The following HNF1A variants were observed in gnomAD, a reference collection of about 807,000 sequenced individuals.
HNF1A encodes the protein HNF1 homeobox A.
Under a neutral mutation model 62.2 loss-of-function variants are expected in HNF1A, and 21 were observed. The ratio of observed to expected loss-of-function variants is 0.34; its 90% confidence interval spans 0.24 to 0.49. The LOEUF is 0.49. HNF1A is among the 20% of genes least tolerant of loss of function. The probability of loss-of-function intolerance (pLI) is 0.99; values close to 1 mark genes in which losing one functional copy is unlikely to be tolerated. For missense variants in HNF1A, 687 were observed against 832.3 expected (o/e 0.83, Z 2.15); for synonymous variants, 374 against 366.8 (o/e 1.02, Z -0.22).
chr12:120,997,633 T>C lies in HNF1A; in HGVS notation c.1469T>C (p.Met490Thr), dbSNP rs775893674. ...VQSHVTQSPF[M>T]ATMAQLQSPH... Reference sequence around the variant, plus strand: ...AGCCATGTGACCCAGAGCCCCTTCATGGCCACCATGGCTCAGCTGCAGAGC... The same window carrying C: ...AGCCATGTGACCCAGAGCCCCTTCACGGCCACCATGGCTCAGCTGCAGAGC... Residue 490 changes from methionine (M) to threonine (T), a missense_variant, in exon 7 of 10, where the codon ATG becomes ACG. Met to Thr is a moderately conservative substitution (Grantham distance 81). Transcript: ENST00000257555. 6.2e-7 allele frequency: 1 copy of C among 1,612,950 alleles called. No homozygotes were observed.
chr12:120,986,992 C>T (rs957377741), intron 1 of HNF1A, among the ~76,000 whole-genome samples: 5 of 152,226 alleles, frequency 3.3e-5, no homozygotes, highest in Admixed American at 6.5e-5. Flanking sequence ...ATGGCTCAGG[C>T]AGTCTGATCC....
chr12:120,983,742 C>T (rs1005180074), intron 1 of HNF1A, among the ~76,000 whole-genome samples: 2 of 152,056 alleles, frequency 1.3e-5, no homozygotes, highest in Admixed American at 6.6e-5. Flanking sequence ...GACAGGGTTT[C>T]ACTGTGTTGG....
rs1225711313 is a variant in HNF1A, at chr12:120,988,769, C to T, written c.327-64C>T. On this transcript the variant is annotated intron_variant, in intron 1 of 9. Coordinates refer to ENST00000257555, the MANE Select transcript of HNF1A (RefSeq NM_000545.8). ...TTGACAAGGTTCCAGCACCCAGGAC[C>T]GCAGCCCCACCTATGGGGAGAGACA... 5.0e-5 allele frequency: 75 copies of T among 1,500,680 alleles called. 1 individual carries two copies. Among genetic ancestry groups the T allele is most frequent in the South Asian group, 3.8e-4 (33 of 86,782 alleles). The allele number at this position is 1,500,680 out of a possible 1,614,324, so 93.0% of individuals were successfully genotyped here. A position where few individuals can be genotyped will look rare whatever the true frequency, so the allele number is the denominator to read the frequency against.
chr12:120,990,342 C>CGTGTTAGCCGGG (rs56106428), intron 2 of HNF1A, among the ~76,000 whole-genome samples: 1 of 152,064 alleles, frequency 6.6e-6, no homozygotes, highest in Admixed American at 6.6e-5. Context: ...GGGGTTTCAC[C>CGTGTTAGCCGGG]ATGGTCTCGA....
chr12:120,978,977 C>T lies in HNF1A; in HGVS notation c.209C>T (p.Ser70Phe). The T allele has an allele frequency of 1.9e-6, 3 of 1,608,088 alleles. No individual in the cohort carries two copies. Among genetic ancestry groups the T allele is most frequent in the Non-Finnish European group, 2.5e-6 (3 of 1,177,432 alleles). ...LPNGLGETRGSEDETDDDGED... is the reference protein window; with the variant it reads ...LPNGLGETRGFEDETDDDGED... The stretch of plus-strand genomic sequence containing the variant: ...AATGGGCTGGGGGAGACTCGGGGCT[C>T]CGAGGACGAGACGGACGACGATGGG... The change falls in exon 1 of 10, where the codon TCC becomes TTC. Residue 70 changes from serine (S) to phenylalanine (F), a missense_variant. Ser to Phe is a radical substitution (Grantham distance 155). Transcript: ENST00000257555.
At chr12:121,000,850 G>C (rs1877411439) in intron 9 of HNF1A, 1 of 615,240 alleles carries the variant, frequency 1.6e-6, no homozygotes, top group Non-Finnish European at 2.9e-6. Flanking sequence ...TTCACACTAA[G>C]ATGTACTCAG....
intron 1 of HNF1A, among the ~76,000 whole-genome samples, chr12:120,979,950 G>A (rs1267375819): frequency 6.6e-6 from 1 of 152,186 alleles, no homozygotes; most frequent in African/African-American, 2.4e-5. Context: ...CCACCTAGTG[G>A]GGGTGGGGGA....
In HNF1A at chr12:120,994,394, G is replaced by C. The variant is rs1298749678; in HGVS notation, c.944G>C (p.Ser315Thr). The C allele has an allele frequency of 6.3e-7, 1 of 1,590,858 alleles. No individual in the cohort carries two copies. Among genetic ancestry groups the C allele is most frequent in the South Asian group, 1.1e-5 (1 of 87,868 alleles). Residue 315 changes from serine (S) to threonine (T), a missense_variant, in exon 4 of 10, where the codon AGT (serine) becomes ACT (threonine). This residue lies in a region of HNF1A where 408 missense variants were observed against 455.3 expected (regional missense o/e 0.90). Transcript: ENST00000257555. Reference protein sequence around the residue: ...PGLPPPALSPSKVHGVRYGQP... With the variant: ...PGLPPPALSPTKVHGVRYGQP... ...CTGCCTCCACCTGCCCTCTCCCCCA[G>C]TAAGGTCCACGGTAAGTGGTATGTG...
chr12:120,997,923 T>A (rs1248390246), intron 7 of HNF1A: 6 of 658,954 alleles, frequency 9.1e-6, no homozygotes, highest in Non-Finnish European at 1.7e-5. Flanking sequence ...TTTGTGTGCA[T>A]GCCTGTGTTT....
At chr12:120,987,697 C>T (rs986442573) in intron 1 of HNF1A, among the ~76,000 whole-genome samples, 6 of 151,908 alleles carry the variant, frequency 3.9e-5, no homozygotes, top group African/African-American at 1.5e-4. Context: ...ACAGGACAAG[C>T]AGAGTCCCAC....
chr12:120,993,916 A>G (rs546569418), intron 3 of HNF1A, among the ~76,000 whole-genome samples: 1 of 152,254 alleles, frequency 6.6e-6, no homozygotes, highest in South Asian at 2.1e-4. Context: ...AACCCCTTCC[A>G]TGGATGCTCA....
intron 1 of HNF1A, among the ~76,000 whole-genome samples, chr12:120,985,366 G>A (rs1228117472): frequency 6.7e-6 from 1 of 150,024 alleles, no homozygotes; most frequent in Non-Finnish European, 1.5e-5. Context: ...ACCACCATGA[G>A]CCACCATACC....
At chr12:120,999,187 C>G in intron 7 of HNF1A, 81 bp from the exon 8 acceptor site, 1 of 1,555,512 alleles carries the variant, frequency 6.4e-7, no homozygotes, top group Non-Finnish European at 8.8e-7. Flanking sequence ...GCCCCATGCC[C>G]CCCTTTCCCC....
In HNF1A at chr12:120,994,326, G is replaced by T; in HGVS notation, c.876G>T (p.Gly292=). 6.2e-7 allele frequency: 1 copy of T among 1,608,632 alleles called. No homozygotes were observed. The highest frequency in any genetic ancestry group is 8.5e-7 in the Non-Finnish European group (1 of 1,177,916). The change falls in exon 4 of 10, where the codon GGG becomes GGT. Residue 292 remains glycine (G), a synonymous_variant. Transcript: ENST00000257555. ...ACACGTACAGCGGGCCCCCCCCAGG[G>T]CCAGGCCCGGGACCTGCGCTGCCCG... ...AMDTYSGPPP[G]PGPGPALPAH...
chr12:120,979,050 T>C lies in HNF1A; in HGVS notation c.282T>C (p.Pro94=). 6.2e-7 allele frequency: 1 copy of C among 1,612,162 alleles called. No individual in the cohort carries two copies. The highest frequency in any genetic ancestry group is 8.5e-7 in the Non-Finnish European group (1 of 1,179,258). Residue 94 remains proline (P), a synonymous_variant, in exon 1 of 10, where the codon CCT becomes CCC. Coordinates refer to ENST00000257555, the MANE Select transcript of HNF1A (RefSeq NM_000545.8). ...TCAAAGAGCTGGAGAACCTCAGCCCTGAGGAGGCGGCCCACCAGAAAGCCG... is the reference window on the plus strand; with the variant it reads ...TCAAAGAGCTGGAGAACCTCAGCCCCGAGGAGGCGGCCCACCAGAAAGCCG... The part of the protein sequence containing the change: ...PILKELENLS[P]EEAAHQKAVV...
At position 121,001,061 on chromosome 12, in the gene HNF1A, G is replaced by A. The variant is rs2135854358; in HGVS notation, c.1769-4G>A. 6.2e-7 allele frequency: 1 copy of A among 1,613,056 alleles called. No individual in the cohort carries two copies. The highest frequency in any genetic ancestry group is 8.5e-7 in the Non-Finnish European group (1 of 1,179,804). On this transcript the variant is annotated splice_region_variant and splice_polypyrimidine_tract_variant and intron_variant, in intron 9 of 9. Coordinates refer to ENST00000257555, the MANE Select transcript of HNF1A (RefSeq NM_000545.8). The stretch of plus-strand genomic sequence containing the variant: ...GTGGCTAGCAGCCTTGTTTGCCTCT[G>A]CAGTGTCCTCCAGCAGCCTGGTGCT...
intron 2 of HNF1A, among the ~76,000 whole-genome samples, chr12:120,989,822 AAATATGACCTTTAG>A (rs1321002311): frequency 4.6e-5 from 7 of 152,280 alleles, no homozygotes; most frequent in African/African-American, 1.7e-4. Flanking sequence ...CTCACATTGC[AAATATGACCTTTAG>A]AATATGACCT....
At chr12:120,985,900 G>A (rs1328371456) in intron 1 of HNF1A, among the ~76,000 whole-genome samples, 2 of 151,376 alleles carry the variant, frequency 1.3e-5, no homozygotes, top group Admixed American at 6.6e-5. Flanking sequence ...CAGGAGAATC[G>A]CTTGAACCTG....
chr12:120,994,679 C>G (rs1334305938), intron 4 of HNF1A, among the ~76,000 whole-genome samples: 1 of 149,414 alleles, frequency 6.7e-6, no homozygotes, highest in East Asian at 1.9e-4. Flanking sequence ...ACTCCATCCA[C>G]TCTACTCCAT....
Sources: gnomAD v4.1 joint callset for allele counts (sites outside exome capture counted in the v4.1 genomes callset) on GRCh38, gnomAD v4.1.1 for gene constraint, gnomAD v4.1.1 regional missense constraint, MANE v1.5 for transcripts, NCBI Gene and HGNC (gene_info 2026-07-23, HGNC 2026-07-21) for gene names.